The following RIN3 variants were observed in gnomAD, a reference collection of about 807,000 sequenced individuals.
The protein encoded by RIN3 is RAB5 interacting protein 3.
In RIN3, 54 loss-of-function variants were observed where a neutral mutation model predicts 76.3. The observed-to-expected ratio is 0.71, with a 90% CI of 0.57 to 0.89. The LOEUF is 0.89. Ranked by LOEUF, RIN3 falls within the 40% of genes least tolerant of loss-of-function variation. The pLI is 0.00. For missense variants in RIN3, 1,256 were observed against 1,322.1 expected, an observed-to-expected ratio of 0.95 and a Z score of 0.78; for synonymous variants, 576 against 564.0, an observed-to-expected ratio of 1.02 and a Z score of -0.30.
At chr14:92,654,738 G>T (rs4900139) in intron 6 of RIN3, among the ~76,000 whole-genome samples, 136,619 of 152,252 alleles carry the variant, frequency 0.9, 61,399 homozygotes, top group East Asian at 0.95. Flanking sequence ...TGTAAGCAGA[G>T]AGTCGACAAA....
chr14:92,619,725 CT>C (rs755223515), intron 4 of RIN3, among the ~76,000 whole-genome samples: 1 of 152,116 alleles, frequency 6.6e-6, no homozygotes, highest in Non-Finnish European at 1.5e-5. Context: ...CACGCCCGGC[CT>C]CTAGTAGTCT....
intron 5 of RIN3, 32 bp downstream of exon 5, chr14:92,641,361 G>A: frequency 6.4e-7 from 1 of 1,556,094 alleles, no homozygotes; most frequent in Non-Finnish European, 8.9e-7. Context: ...AGGGGAGCTG[G>A]TGGGGCGTTA....
rs1896360624 is a variant in RIN3, at chr14:92,513,899, C to T, written c.-34C>T. On this transcript the variant is annotated 5_prime_UTR_variant, in exon 1 of 10. Transcript: ENST00000216487. ...CGTTCCGCGCGGCCCGGCGCCTGAG[C>T]GCCTCCGTTCCCCGTCCCGGAGCTG... 1 of 1,252,262 alleles carries T rather than the reference C, an allele frequency of 8.0e-7. No individual in the cohort carries two copies. Among genetic ancestry groups the T allele is most frequent in the Non-Finnish European group, 1.0e-6 (1 of 997,830 alleles). 77.6% of individuals were successfully genotyped at this position (1,252,262 alleles called of 1,614,324 possible).
At chr14:92,537,005 AATAT>A (rs10538825) in intron 1 of RIN3, among the ~76,000 whole-genome samples, 1 of 151,020 alleles carries the variant, frequency 6.6e-6, no homozygotes, top group Non-Finnish European at 1.5e-5. Flanking sequence ...AGGATTTAAA[AATAT>A]ATATATATAT....
intron 8 of RIN3, among the ~76,000 whole-genome samples, chr14:92,677,769 C>A: frequency 6.6e-6 from 1 of 152,024 alleles, no homozygotes; most frequent in East Asian, 1.9e-4. Context: ...TCTGTCCATC[C>A]ATATAGCCAT....
chr14:92,576,328 C>T (rs1353253800), intron 2 of RIN3: 23 of 1,289,670 alleles, frequency 1.8e-5, no homozygotes, highest in Middle Eastern at 2.1e-4. Context: ...TTGCTTAGAG[C>T]GTGAGAAGGA....
rs541899019 is a variant in RIN3 at position 92,524,851 on chromosome 14, C to T, written c.44+10875C>T. On this transcript the variant is annotated intron_variant, in intron 1 of 9. Transcript: ENST00000216487. The stretch of plus-strand genomic sequence containing the variant: ...GGCTTGTGCAGCACCCAGGCCGCTC[C>T]ATGGCACGAGGCCCCAGAGATGGAA... Among the ~76,000 whole-genome samples, 116 of 152,360 alleles carry T rather than the reference C, an allele frequency of 7.6e-4. 1 individual carries two copies. In the Middle Eastern group the frequency reaches 0.024, roughly 31 times the overall value.
chr14:92,546,901 A>G (rs899733898), intron 1 of RIN3, among the ~76,000 whole-genome samples: 4 of 151,728 alleles, frequency 2.6e-5, no homozygotes, highest in African/African-American at 9.7e-5. Flanking sequence ...CATCCAGAAA[A>G]ATGTGACCTA....
chr14:92,550,459 G>T (rs561304890), intron 1 of RIN3, among the ~76,000 whole-genome samples: 1 of 151,990 alleles, frequency 6.6e-6, no homozygotes, highest in Non-Finnish European at 1.5e-5. Flanking sequence ...TGTTACCCAG[G>T]CTGGAATGCA....
intron 1 of RIN3, 113 bp from the exon 2 acceptor site, chr14:92,555,638 C>A (rs1018949873): frequency 2.1e-6 from 2 of 967,534 alleles, no homozygotes; most frequent in South Asian, 1.4e-5. Flanking sequence ...CCCCAAAGGG[C>A]CACTGACTAC....
intron 3 of RIN3, among the ~76,000 whole-genome samples, chr14:92,583,566 G>A (rs1884638254): frequency 1.3e-5 from 2 of 152,170 alleles, no homozygotes; most frequent in African/African-American, 4.8e-5. Flanking sequence ...AAGAAAAAAA[G>A]ATGAAAAATA....
intron 4 of RIN3, among the ~76,000 whole-genome samples, chr14:92,617,351 C>T (rs114540735): frequency 4.4e-4 from 66 of 151,668 alleles, no homozygotes; most frequent in African/African-American, 1.5e-3. Context: ...TTTTTGGTCA[C>T]GTTCTCACTT....
chr14:92,673,348 G>T (rs1373826239), intron 7 of RIN3, among the ~76,000 whole-genome samples: 4 of 152,118 alleles, frequency 2.6e-5, no homozygotes, highest in Non-Finnish European at 5.9e-5. Context: ...ACATTTGTGT[G>T]CAGGTCTCTG....
At chr14:92,665,839 A>G (rs180913840) in intron 7 of RIN3, among the ~76,000 whole-genome samples, 2 of 151,750 alleles carry the variant, frequency 1.3e-5, no homozygotes, top group East Asian at 2.0e-4. Flanking sequence ...ACTGACTTCA[A>G]TTCTGACTTT....
chr14:92,585,504 A>G (rs983283489), intron 3 of RIN3, among the ~76,000 whole-genome samples: 3 of 152,212 alleles, frequency 2.0e-5, no homozygotes, highest in African/African-American at 4.8e-5. Context: ...TGCCCATGAC[A>G]TGGGCTCCCT....
chr14:92,672,823 TTC>T (rs1265146038), intron 7 of RIN3, among the ~76,000 whole-genome samples: 1 of 152,180 alleles, frequency 6.6e-6, no homozygotes, highest in Non-Finnish European at 1.5e-5. Context: ...TCACTCCCCA[TTC>T]TCTTTTCTGC....
intron 4 of RIN3, among the ~76,000 whole-genome samples, chr14:92,631,109 C>T (rs1886561948): frequency 6.6e-6 from 1 of 152,160 alleles, no homozygotes. Context: ...TCAGCCCTGG[C>T]GTTTAGTTAG....
At chr14:92,676,738 A>C in intron 8 of RIN3, 132 bp downstream of exon 8, 1 of 948,972 alleles carries the variant, frequency 1.1e-6, no homozygotes, top group South Asian at 1.6e-5. Context: ...CATGGATGCA[A>C]ATGTGAATCC....
chr14:92,566,411 A>G (rs1359158935), intron 2 of RIN3, among the ~76,000 whole-genome samples: 1 of 152,166 alleles, frequency 6.6e-6, no homozygotes, highest in Non-Finnish European at 1.5e-5. Flanking sequence ...TAGGCTCTGC[A>G]TTATTGTTAG....
Sources: allele counts gnomAD v4.1 joint callset (sites outside exome capture counted in the v4.1 genomes callset), GRCh38; gene constraint gnomAD v4.1.1; transcripts MANE v1.5; gene names NCBI Gene and HGNC (gene_info 2026-07-23, HGNC 2026-07-21).